The following RBFOX1 variants were observed in gnomAD, a reference collection of about 807,000 sequenced individuals.
RBFOX1 encodes RNA binding fox-1 homolog 1.
RBFOX1 carries 8 observed loss-of-function variants against 57.7 expected under a neutral mutation model. That is an observed-to-expected ratio of 0.14 (90% CI 0.08 to 0.25). The LOEUF (loss-of-function observed/expected upper bound fraction) is 0.25. Ranked by LOEUF, RBFOX1 falls within the 10% of genes least tolerant of loss-of-function variation. The pLI is 1.00. For missense variants in RBFOX1, 611 were observed against 548.5 expected (o/e 1.11, Z -1.14); for synonymous variants, 326 against 222.4 (o/e 1.47, Z -4.15).
intron 2 of RBFOX1, among the ~76,000 whole-genome samples, chr16:5,488,438 A>G (rs2042711903): frequency 6.7e-6 from 1 of 149,456 alleles, no homozygotes; most frequent in Non-Finnish European, 1.5e-5. Context: ...TATGGTGATG[A>G]TGATGGTGAT....
At chr16:5,393,759 T>C (rs1465402893) in intron 1 of RBFOX1, among the ~76,000 whole-genome samples, 1 of 152,222 alleles carries the variant, frequency 6.6e-6, no homozygotes, top group African/African-American at 2.4e-5. Context: ...ATGTGTACAG[T>C]TCATTGGCTA....
At position 7,457,225 on chromosome 16, in the gene RBFOX1, G is replaced by A. The variant is rs567767089; in HGVS notation, c.28-60922G>A. Among the ~76,000 whole-genome samples the A allele has an allele frequency of 2.0e-5, 3 of 152,176 alleles. No individual in the cohort carries two copies. In the South Asian group the frequency reaches 6.2e-4, roughly 32 times the overall value. On this transcript the variant is annotated intron_variant, in intron 4 of 15. Transcript: ENST00000550418. ...TTTATCACTCATACAGCGGGTCCAT[G>A]AATGCAAGCAGTGGCTCCAGATATC... is the stretch of plus-strand genomic sequence containing the variant.
At chr16:7,206,285 T>C (rs1013996853) in intron 4 of RBFOX1, among the ~76,000 whole-genome samples, 5 of 152,076 alleles carry the variant, frequency 3.3e-5, no homozygotes, top group African/African-American at 1.2e-4. Flanking sequence ...AAGTTAATAA[T>C]GGGAAGTAGG....
intron 2 of RBFOX1, among the ~76,000 whole-genome samples, chr16:6,611,366 C>G (rs1485916330): frequency 6.6e-6 from 1 of 152,184 alleles, no homozygotes; most frequent in Admixed American, 6.5e-5. Flanking sequence ...AGGCTGATCT[C>G]AAACTCCTGA....
At chr16:5,859,472 C>G (rs2057155729) in intron 3 of RBFOX1, among the ~76,000 whole-genome samples, 1 of 152,140 alleles carries the variant, frequency 6.6e-6, no homozygotes, top group Non-Finnish European at 1.5e-5. Flanking sequence ...GGTAACTTTC[C>G]CATGGTAGAG....
chr16:6,575,141 G>GT (rs112448772), intron 2 of RBFOX1, among the ~76,000 whole-genome samples: 36 of 151,798 alleles, frequency 2.4e-4, no homozygotes, highest in African/African-American at 7.5e-4. Flanking sequence ...GACAGATTAC[G>GT]ACACGTTGTT....
intron 3 of RBFOX1, among the ~76,000 whole-genome samples, chr16:6,918,509 G>T (rs76592339): frequency 0.012 from 1,786 of 152,192 alleles, 35 homozygotes; most frequent in East Asian, 0.092. Flanking sequence ...GTCTGCCTGG[G>T]CCCTAATTCA....
intron 3 of RBFOX1, among the ~76,000 whole-genome samples, chr16:6,797,466 A>T (rs186880462): frequency 1.4e-3 from 215 of 152,288 alleles, no homozygotes; most frequent in African/African-American, 5.0e-3. Context: ...AGTTAAACAC[A>T]TATATCCTGT....
chr16:5,565,021 A>C (rs1353850148), intron 2 of RBFOX1, among the ~76,000 whole-genome samples: 1 of 152,146 alleles, frequency 6.6e-6, no homozygotes, highest in African/African-American at 2.4e-5. Context: ...CACATTGTTT[A>C]GCTAAAACAT....
At chr16:6,807,557 C>G (rs1273294187) in intron 3 of RBFOX1, among the ~76,000 whole-genome samples, 1 of 152,050 alleles carries the variant, frequency 6.6e-6, no homozygotes, top group African/African-American at 2.4e-5. Flanking sequence ...GTGGCTCACA[C>G]CTGTAATCCC....
intron 3 of RBFOX1, among the ~76,000 whole-genome samples, chr16:7,025,219 G>A (rs752613084): frequency 6.6e-6 from 1 of 152,100 alleles, no homozygotes; most frequent in East Asian, 1.9e-4. Context: ...AATTACTCAT[G>A]TCTCCCCTTT....
intron 3 of RBFOX1, among the ~76,000 whole-genome samples, chr16:6,870,444 G>C (rs1444884716): frequency 6.6e-6 from 1 of 152,120 alleles, no homozygotes; most frequent in African/African-American, 2.4e-5. Context: ...AATATCTAAG[G>C]TTTTAGTTGA....
intron 3 of RBFOX1, among the ~76,000 whole-genome samples, chr16:5,819,047 C>T (rs1381190672): frequency 6.6e-6 from 1 of 152,148 alleles, no homozygotes; most frequent in Non-Finnish European, 1.5e-5. Flanking sequence ...TCTCTCCATC[C>T]ACAGGTCTGT....
At chr16:5,609,880 CG>C (rs764286309) in intron 3 of RBFOX1, among the ~76,000 whole-genome samples, 25 of 112,944 alleles carry the variant, frequency 2.2e-4, no homozygotes, top group Admixed American at 4.0e-4. Context: ...ACGGTGGGGG[CG>C]GGGTGGAAGA....
chr16:7,619,250 T>A (rs2058935747), intron 10 of RBFOX1, among the ~76,000 whole-genome samples: 1 of 152,160 alleles, frequency 6.6e-6, no homozygotes, highest in Admixed American at 6.5e-5. Context: ...GATTCTAGTG[T>A]TTGGTTGATG....
Position 6,061,700 on chromosome 16 carries a change from C to T in RBFOX1, c.-127+41708C>T, listed in dbSNP as rs550994585. Among the ~76,000 whole-genome samples, 16 of 152,090 alleles carry T rather than the reference C, an allele frequency of 1.1e-4. No homozygotes were observed. The South Asian group carries it at 2.1e-3, about 20-fold the overall frequency. On this transcript the variant is annotated intron_variant, in intron 1 of 15. Transcript: ENST00000550418. Reference sequence around the variant, plus strand: ...TCTATGTACATAGATTTAAGATATACTATCATACATAGAAAAAAACAGTGT... The same window carrying T: ...TCTATGTACATAGATTTAAGATATATTATCATACATAGAAAAAAACAGTGT...
At chr16:6,262,562 G>A (rs2097707913) in intron 1 of RBFOX1, among the ~76,000 whole-genome samples, 1 of 152,164 alleles carries the variant, frequency 6.6e-6, no homozygotes, top group Admixed American at 6.5e-5. Flanking sequence ...TAGTTATTTT[G>A]CTGTCAACTG....
chr16:7,238,726 T>C (rs1197466885), intron 4 of RBFOX1, among the ~76,000 whole-genome samples: 1 of 152,214 alleles, frequency 6.6e-6, no homozygotes, highest in Non-Finnish European at 1.5e-5. Flanking sequence ...GTTGTGCAGA[T>C]TATTTCATCA....
Position 6,825,040 on chromosome 16 carries a change from A to G in RBFOX1, c.-16+170390A>G, listed in dbSNP as rs570592515. On this transcript the variant is annotated intron_variant, in intron 3 of 15. Coordinates refer to ENST00000550418, the MANE Select transcript of RBFOX1 (RefSeq NM_018723.4). ...GAGACGGCGTCTGGCTCTGTCACCC[A>G]GGCTGGAATGCAGTGGCATGATCTT... is the stretch of plus-strand genomic sequence containing the variant. Among the ~76,000 whole-genome samples the G allele has an allele frequency of 8.9e-5, 10 of 112,894 alleles. No individual in the cohort carries two copies. In the East Asian group the frequency reaches 2.6e-3, roughly 30 times the overall value. 74.1% of individuals were successfully genotyped at this position (112,894 alleles called of 152,430 possible).
Sources: allele counts gnomAD v4.1 joint callset (sites outside exome capture counted in the v4.1 genomes callset), GRCh38; gene constraint gnomAD v4.1.1; transcripts MANE v1.5; gene names NCBI Gene and HGNC (gene_info 2026-07-23, HGNC 2026-07-21).